Variants in SLC12A4 observed in about 807,000 individuals in gnomAD.
SLC12A4 encodes the protein electroneutral potassium-chloride cotransporter 1.
In SLC12A4, 84 loss-of-function variants were observed where a neutral mutation model predicts 119.2. The observed-to-expected ratio is 0.70, with a 90% CI of 0.59 to 0.85. The LOEUF (loss-of-function observed/expected upper bound fraction) is 0.85, where lower values mean the gene tolerates loss of function less well. SLC12A4 is among the 40% of genes least tolerant of loss of function. The pLI, the probability that SLC12A4 is intolerant of heterozygous loss-of-function variation, is 0.00. For synonymous variants in SLC12A4, 599 were observed against 604.6 expected (o/e 0.99, Z 0.14); for missense variants, 1,298 against 1,476.3 (o/e 0.88, Z 1.98).
chr16:67,951,112 G>A lies in SLC12A4; in HGVS notation c.1297+28C>T. On this transcript the variant is annotated intron_variant, in intron 9 of 23. Transcript: ENST00000316341. The surrounding 1 kb of genome is among the most constrained non-coding windows in gnomAD (Gnocchi z 5.2). ...GGGGCTCCCCGGGATTGGGGACAGG[G>A]CTGGGTGGGTAGGCAGGCAGGGCTC... The A allele has an allele frequency of 6.2e-7, 1 of 1,613,810 alleles. No homozygotes were observed. Among genetic ancestry groups the A allele is most frequent in the East Asian group, 2.2e-5 (1 of 44,860 alleles).
rs186045807 is a variant in SLC12A4, at chr16:67,945,024, G to A, written c.3166+63C>T. 3.5e-4 allele frequency: 561 copies of A among 1,597,652 alleles called. 8 individuals carry two copies. In the Admixed American group the frequency reaches 9.5e-3, roughly 27 times the overall value. On this transcript the variant is annotated intron_variant, in intron 23 of 23. Transcript: ENST00000316341. ...CCACCCAGGGGTGCCCAGGAGAGAAGCCGCTGGCTTGACCTCCCATGCTAT... is the reference window on the plus strand; with the variant it reads ...CCACCCAGGGGTGCCCAGGAGAGAAACCGCTGGCTTGACCTCCCATGCTAT...
At chr16:67,962,320 C>T (rs890579881) in intron 2 of SLC12A4, 3 of 152,352 alleles carry the variant, frequency 2.0e-5, no homozygotes, top group Non-Finnish European at 2.9e-5. Flanking sequence ...ACCGCAGAAC[C>T]TTGCTGCTTT....
At chr16:67,958,123 G>A in intron 3 of SLC12A4, 79 bp from the exon 4 acceptor site, 1 of 1,511,446 alleles carries the variant, frequency 6.6e-7, no homozygotes, top group Non-Finnish European at 9.0e-7. Flanking sequence ...TCACTCAGCA[G>A]GCCCCCTCCC....
At position 67,951,051 on chromosome 16, in the gene SLC12A4, G is replaced by C; in HGVS notation, c.1307C>G (p.Ala436Gly). The C allele has an allele frequency of 6.2e-7, 1 of 1,614,010 alleles. No homozygotes were observed. The highest frequency in any genetic ancestry group is 8.5e-7 in the Non-Finnish European group (1 of 1,179,996). The change falls in exon 10 of 24, where the codon GCT becomes GGT. Residue 436 changes from alanine to glycine, a missense_variant. Physicochemically the swap from Ala to Gly is moderately conservative, Grantham distance 60 (BLOSUM62 0). Coordinates refer to ENST00000316341, the MANE Select transcript of SLC12A4 (RefSeq NM_005072.5). This position sits in a 1 kb window ranked among gnomAD's most constrained non-coding sequence, Gnocchi z 5.2. ...IFFPSVTGIM[A>G]GSNRSGDLRD... ...AAGGTCCCCAGAGCGGTTTGAGCCA[G>C]CCATGATGCCTCCAAAAACAGATGA...
At chr16:67,946,773 T>C in intron 17 of SLC12A4, 140 bp from the exon 18 acceptor site, 1 of 1,252,748 alleles carries the variant, frequency 8.0e-7, no homozygotes, top group East Asian at 2.4e-5. Flanking sequence ...AGAGGCCAAG[T>C]TTTCAAGATG....
intron 1 of SLC12A4, among the ~76,000 whole-genome samples, 196 bp downstream of exon 1, chr16:67,968,243 C>A (rs1166517950): frequency 6.6e-6 from 1 of 151,952 alleles, no homozygotes; most frequent in Non-Finnish European, 1.5e-5. Context: ...CGGGCGCGGG[C>A]GCCGGGGGCC....
At position 67,949,915 on chromosome 16, in the gene SLC12A4, A is replaced by G; in HGVS notation, c.1633T>C (p.Phe545Leu). 1 of 1,609,610 alleles carries G rather than the reference A, an allele frequency of 6.2e-7. No individual in the cohort carries two copies. The highest frequency in any genetic ancestry group is 1.3e-5 in the African/African-American group (1 of 74,860). ...KDNIIPFLRV[F>L]GHGKVNGEPT... ...TCACCATTCACCTTCCCGTGGCCAA[A>G]CACCTGTGTGCACCAGGAAGGAAGC... The change falls in exon 13 of 24, where the codon TTT becomes CTT. Residue 545 changes from phenylalanine to leucine, a missense_variant. Physicochemically the swap from Phe to Leu is conservative, Grantham distance 22. Transcript: ENST00000316341. The surrounding 1 kb of genome is among the most constrained non-coding windows in gnomAD (Gnocchi z 4.6).
Position 67,963,571 on chromosome 16 carries a change from G to A in SLC12A4, c.116-12C>T. 3 of 1,551,166 alleles carry A rather than the reference G, an allele frequency of 1.9e-6. No individual in the cohort carries two copies. The highest frequency in any genetic ancestry group is 2.6e-6 in the Non-Finnish European group (3 of 1,152,070). On this transcript the variant is annotated splice_polypyrimidine_tract_variant and intron_variant, in intron 1 of 23. Transcript: ENST00000316341. ...GTGGTTGCCATGTCCTGTGAAGAGA[G>A]AGGGACAATCAGGGCCTGCTTCCTG...
At position 67,957,727 on chromosome 16, in the gene SLC12A4, G is replaced by A; in HGVS notation, c.544+15C>T. On this transcript the variant is annotated intron_variant, in intron 5 of 23. Transcript: ENST00000316341. ...CCTTTTCTCTTCCACCAGGCCTTGG[G>A]TGGCGCTCACTGACCTGGAACCACA... 1.9e-6 allele frequency: 3 copies of A among 1,612,706 alleles called. No individual in the cohort carries two copies. Among genetic ancestry groups the A allele is most frequent in the Non-Finnish European group, 2.5e-6 (3 of 1,179,990 alleles).
At chr16:67,960,498 T>C (rs2030503202) in intron 3 of SLC12A4, among the ~76,000 whole-genome samples, 1 of 151,694 alleles carries the variant, frequency 6.6e-6, no homozygotes, top group Non-Finnish European at 1.5e-5. Context: ...GTCTACCTTC[T>C]CTGCTGGCCC....
chr16:67,954,920 G>C, intron 5 of SLC12A4, 147 bp from the exon 6 acceptor site: 1 of 854,250 alleles, frequency 1.2e-6, no homozygotes, highest in Middle Eastern at 3.1e-4. Flanking sequence ...GACCTACCCA[G>C]GGCTGCACGG....
In SLC12A4 at chr16:67,948,125, C is replaced by T. The variant is rs376568109; in HGVS notation, c.1783G>A (p.Ala595Thr). 5.0e-6 allele frequency: 8 copies of T among 1,613,118 alleles called. No individual in the cohort carries two copies. The highest frequency in any genetic ancestry group is 6.8e-6 in the Non-Finnish European group (8 of 1,180,004). The stretch of plus-strand genomic sequence containing the variant: ...CTCAGGAGTGTCTGCACCGCACAGG[C>T]GAGGTTCACGAACAGGTAGCACATC... ...FLMCYLFVNL[A>T]CAVQTLLRTP... is the part of the protein sequence containing the mutation. Residue 595 changes from alanine to threonine, a missense_variant, in exon 14 of 24, where the codon GCC becomes ACC. Coordinates refer to ENST00000316341, the MANE Select transcript of SLC12A4 (RefSeq NM_005072.5).
Position 67,947,275 on chromosome 16 carries a change from C to G in SLC12A4, c.2072+56G>C. On this transcript the variant is annotated intron_variant, in intron 16 of 23. Transcript: ENST00000316341. ...GCCGGCACCTCTCGACCCTCTGACC[C>G]CGACAGCGACCCCTAAGAACCTCTG... 1.9e-6 allele frequency: 3 copies of G among 1,562,390 alleles called. No homozygotes were observed. The South Asian group carries it at 3.4e-5, about 18-fold the overall frequency.
In SLC12A4 at chr16:67,945,202, C is replaced by T. The variant is rs1598207410; in HGVS notation, c.3051G>A (p.Arg1017=). 3 of 1,563,564 alleles carry T rather than the reference C, an allele frequency of 1.9e-6. No individual in the cohort carries two copies. The highest frequency in any genetic ancestry group is 1.4e-5 in the African/African-American group (1 of 73,640). ...TGAGCTTCACAGCAGTGTGCATGCG[C>T]CGCACATTGGATTGGTCCCTACACG... is the stretch of plus-strand genomic sequence containing the variant. ...VHIKPDQSNV[R]RMHTAVKLNE... Residue 1017 remains arginine (R), a synonymous_variant, in exon 23 of 24, where the codon CGG becomes CGA. Transcript: ENST00000316341.
At position 67,951,931 on chromosome 16, in the gene SLC12A4, A is replaced by G; in HGVS notation, c.1024T>C (p.Phe342Leu). Residue 342 changes from phenylalanine (F) to leucine (L), a missense_variant, in exon 8 of 24, where the codon TTC (phenylalanine) becomes CTC (leucine). By Grantham distance (22) the Phe-to-Leu change is conservative (BLOSUM62 0). Coordinates refer to ENST00000316341, the MANE Select transcript of SLC12A4 (RefSeq NM_005072.5). The surrounding 1 kb of genome is among the most constrained non-coding windows in gnomAD (Gnocchi z 5.2). Reference protein sequence around the residue: ...ETVATQLWSFFCHSPNLTTDS... With the variant: ...ETVATQLWSFLCHSPNLTTDS... ...GTCGTAAGGTTGGGGCTGTGGCAGA[A>G]GAAACTCCATAGCTGGGTGGCCACT... 1 of 1,614,068 alleles carries G rather than the reference A, an allele frequency of 6.2e-7. No individual in the cohort carries two copies. The highest frequency in any genetic ancestry group is 2.2e-5 in the East Asian group (1 of 44,880).
At position 67,945,470 on chromosome 16, in the gene SLC12A4, A is replaced by T; in HGVS notation, c.2931T>A (p.Ala977=). Residue 977 remains alanine (A), a synonymous_variant, in exon 22 of 24, where the codon GCT becomes GCA. Transcript: ENST00000316341. ...SDEEDESAVG[A]DKIQMTWTRD... ...TGGTCCACGTCATCTGGATCTTGTCAGCCCCCACTGCAGACTCATCTTCCT... is the reference window on the plus strand; with the variant it reads ...TGGTCCACGTCATCTGGATCTTGTCTGCCCCCACTGCAGACTCATCTTCCT... 1 of 1,614,086 alleles carries T rather than the reference A, an allele frequency of 6.2e-7. No homozygotes were observed. The highest frequency in any genetic ancestry group is 8.5e-7 in the Non-Finnish European group (1 of 1,180,010).
rs781655123 is a variant in SLC12A4, at chr16:67,946,416, C to G, written c.2437+22G>C. 8.7e-6 allele frequency: 14 copies of G among 1,603,022 alleles called. No individual in the cohort carries two copies. The East Asian group carries it at 1.8e-4, about 20-fold the overall frequency. ...GCCACCTCACTTCACCCCTGCCCAC[C>G]AGGCCCCAGGCCTTCACACACCAAT... is the stretch of plus-strand genomic sequence containing the variant. On this transcript the variant is annotated intron_variant, in intron 18 of 23. Coordinates refer to ENST00000316341, the MANE Select transcript of SLC12A4 (RefSeq NM_005072.5).
chr16:67,963,416 TAA>T, intron 2 of SLC12A4, 47 bp downstream of exon 2: 2 of 1,335,492 alleles, frequency 1.5e-6, no homozygotes, highest in Non-Finnish European at 2.1e-6. Context: ...CCTGCTTAGC[TAA>T]AGCCTCTGTG....
chr16:67,963,837 G>A (rs1028645727), intron 1 of SLC12A4: 6 of 1,492,910 alleles, frequency 4.0e-6, no homozygotes, highest in Non-Finnish European at 4.5e-6. Context: ...TATGGACACT[G>A]AGGGACGGGG....
Sources: allele counts gnomAD v4.1 joint callset (sites outside exome capture counted in the v4.1 genomes callset), GRCh38; gene constraint gnomAD v4.1.1; non-coding constraint Gnocchi (gnomAD v3.1); transcripts MANE v1.5; gene names NCBI Gene and HGNC (gene_info 2026-07-23, HGNC 2026-07-21).